COL21A1: variants seen among roughly 807,000 people sequenced by gnomAD.
COL21A1 encodes collagen alpha-1(XXI) chain.
COL21A1 carries 149 observed loss-of-function variants against 137.9 expected under a neutral mutation model. The observed-to-expected ratio is 1.08, with a 90% confidence interval of 0.95 to 1.24. COL21A1 has a LOEUF of 1.24. COL21A1 is among the 50% of genes most tolerant of loss of function. The pLI, the probability that COL21A1 is intolerant of heterozygous loss-of-function variation, is 0.00. For synonymous variants in COL21A1, 456 were observed against 391.5 expected (o/e 1.16, Z -1.95); for missense variants, 1,167 against 1,158.4 (o/e 1.01, Z -0.11).
intron 1 of COL21A1, among the ~76,000 whole-genome samples, chr6:56,359,043 T>G (rs1345090542): frequency 6.9e-6 from 1 of 144,626 alleles, no homozygotes; most frequent in African/African-American, 2.4e-5. Context: ...TCTCAAAACT[T>G]TCATAGAATT....
In COL21A1 at chr6:56,168,381, C is replaced by A. The variant is rs955542472; in HGVS notation, c.1027-84G>T. The A allele has an allele frequency of 1.2e-4, 139 of 1,172,648 alleles. 1 individual carries two copies. Among genetic ancestry groups the A allele is most frequent in the Non-Finnish European group, 1.4e-4 (123 of 877,032 alleles). The allele number at this position is 1,172,648 out of a possible 1,614,324, so 72.6% of individuals were successfully genotyped here. A position where few individuals can be genotyped will look rare whatever the true frequency, so the allele number is the denominator to read the frequency against. The stretch of plus-strand genomic sequence containing the variant: ...TTTGTTCTTACTCCCTTGTTCCTAA[C>A]CATTGCTGAGAAACTTCATCCCACA... On this transcript the variant is annotated intron_variant, in intron 5 of 29. Coordinates refer to ENST00000244728, the MANE Select transcript of COL21A1 (RefSeq NM_030820.4).
At chr6:56,346,061 AT>A (rs1271129197) in intron 1 of COL21A1, among the ~76,000 whole-genome samples, 15 of 152,212 alleles carry the variant, frequency 9.9e-5, no homozygotes, top group Non-Finnish European at 1.8e-4. Context: ...CTTTTGTAGT[AT>A]TTTTTAAATT....
intron 17 of COL21A1, among the ~76,000 whole-genome samples, chr6:56,081,371 C>T (rs1418070535): frequency 6.6e-6 from 1 of 151,744 alleles, no homozygotes; most frequent in African/African-American, 2.4e-5. Context: ...AACAAGTCGG[C>T]ATTGCCCCCC....
intron 1 of COL21A1, among the ~76,000 whole-genome samples, chr6:56,366,683 A>C (rs1272460977): frequency 6.6e-6 from 1 of 152,176 alleles, no homozygotes; most frequent in Non-Finnish European, 1.5e-5. Context: ...GGTTGATGGG[A>C]TTTGGTCTGA....
At chr6:56,215,888 T>C (rs1780450066) in intron 1 of COL21A1, among the ~76,000 whole-genome samples, 1 of 152,082 alleles carries the variant, frequency 6.6e-6, no homozygotes, top group Non-Finnish European at 1.5e-5. Context: ...TCATCTGTCA[T>C]TTTCCTGTAA....
chr6:56,382,816 C>T (rs1008768), intron 1 of COL21A1, among the ~76,000 whole-genome samples: 46,102 of 151,942 alleles, frequency 0.3, 8,017 homozygotes, highest in East Asian at 0.62. Flanking sequence ...TTGCTTACAC[C>T]ACCCATCCTA....
rs375432647 is a variant in COL21A1, at chr6:56,060,878, G to A, written c.2352+13C>T. On this transcript the variant is annotated intron_variant, in intron 26 of 29. Transcript: ENST00000244728. ...TGAAAATGTAATAACTGTGAAAGAAGCAGAATACATACGGGCTTCCCATCC... is the reference window on the plus strand; with the variant it reads ...TGAAAATGTAATAACTGTGAAAGAAACAGAATACATACGGGCTTCCCATCC... The A allele has an allele frequency of 2.1e-4, 336 of 1,584,602 alleles. No homozygotes were observed. The highest frequency in any genetic ancestry group is 2.8e-4 in the Non-Finnish European group (325 of 1,170,360).
intron 10 of COL21A1, among the ~76,000 whole-genome samples, chr6:56,155,858 C>T (rs1775703556): frequency 1.3e-5 from 2 of 152,160 alleles, no homozygotes; most frequent in African/African-American, 4.8e-5. Context: ...CCACCTAAGC[C>T]TTGTGAATTG....
chr6:56,126,250 A>G (rs1042865861), intron 12 of COL21A1, 101 bp from the exon 13 acceptor site: 6 of 711,878 alleles, frequency 8.4e-6, no homozygotes, highest in East Asian at 3.0e-5. Flanking sequence ...TCCACTTCAA[A>G]TCTATCTGCA....
intron 1 of COL21A1, among the ~76,000 whole-genome samples, chr6:56,364,356 C>G (rs1338668986): frequency 1.3e-5 from 2 of 152,178 alleles, no homozygotes; most frequent in Non-Finnish European, 2.9e-5. Context: ...TCCATGGAAA[C>G]AAACAGTTTC....
rs1167210845 is a variant in COL21A1 at position 56,359,269 on chromosome 6, C to T, written c.-39+34702G>A. On this transcript the variant is annotated intron_variant, in intron 1 of 28. Transcript: ENST00000370819. ...TTCAAGTTAGACTGACACGGGATTA[C>T]GATTTCCTGGAACTCTGCACCAGTC... 3.9e-5 allele frequency among the ~76,000 whole-genome samples: 6 copies of T among 152,170 alleles called. No homozygotes were observed. In the East Asian group the frequency reaches 7.7e-4, roughly 20 times the overall value.
At chr6:56,275,071 C>T (rs1178783773) in intron 1 of COL21A1, among the ~76,000 whole-genome samples, 3 of 152,058 alleles carry the variant, frequency 2.0e-5, no homozygotes, top group African/African-American at 7.2e-5. Context: ...ACACTGCAAC[C>T]ATCTGATCTT....
chr6:56,285,354 G>T (rs72879912), intron 1 of COL21A1, among the ~76,000 whole-genome samples: 2,062 of 152,256 alleles, frequency 0.014, 23 homozygotes, highest in South Asian at 0.022. Context: ...AATGTGATAG[G>T]TTCTTCTTCT....
chr6:56,272,375 C>T (rs936393110), intron 1 of COL21A1, among the ~76,000 whole-genome samples: 1 of 151,414 alleles, frequency 6.6e-6, no homozygotes, highest in African/African-American at 2.4e-5. Flanking sequence ...AAACATTTAC[C>T]CAATGCCTGC....
At chr6:56,134,845 T>C (rs1228755198) in intron 12 of COL21A1, among the ~76,000 whole-genome samples, 1 of 152,156 alleles carries the variant, frequency 6.6e-6, no homozygotes, top group East Asian at 1.9e-4. Flanking sequence ...CCTTCCACCA[T>C]GATTGTGAGG....
At chr6:56,173,393 G>A (rs182229829) in intron 3 of COL21A1, among the ~76,000 whole-genome samples, 17 of 151,018 alleles carry the variant, frequency 1.1e-4, no homozygotes, top group Middle Eastern at 3.4e-3. Context: ...AGGAGAAGGG[G>A]AAGGGGAAGG....
chr6:56,180,044 C>T lies in COL21A1; in HGVS notation c.174G>A (p.Lys58=). 1 of 1,613,800 alleles carries T rather than the reference C, an allele frequency of 6.2e-7. No homozygotes were observed. The highest frequency in any genetic ancestry group is 2.2e-5 in the East Asian group (1 of 44,872). Residue 58 remains lysine, a synonymous_variant, in exon 3 of 30, where the codon AAG becomes AAA. Transcript: ENST00000244728. ...AGTTTTTTGTGATATTGACAAGCCA[C>T]TTTTTCACTATTTCAAAGTTTTCTG... ...VGPENFEIVK[K]WLVNITKNFD... is the part of the protein sequence containing the mutation.
chr6:56,327,703 CAAG>C (rs1392075001), intron 1 of COL21A1, among the ~76,000 whole-genome samples: 1 of 152,060 alleles, frequency 6.6e-6, no homozygotes, highest in Non-Finnish European at 1.5e-5. Context: ...CTCAACAAAT[CAAG>C]TAGGCCTGAG....
At chr6:56,060,490 T>G (rs1582209816) in intron 27 of COL21A1, 1 of 478,360 alleles carries the variant, frequency 2.1e-6, no homozygotes, top group East Asian at 3.6e-5. Flanking sequence ...ATGAACTAAA[T>G]TATCAAAAAA....
Sources: gnomAD v4.1 joint callset for allele counts (sites outside exome capture counted in the v4.1 genomes callset) on GRCh38, gnomAD v4.1.1 for gene constraint, MANE v1.5 for transcripts, NCBI Gene and HGNC (gene_info 2026-07-23, HGNC 2026-07-21) for gene names.